STAU2: variants seen among roughly 807,000 people sequenced by gnomAD.
STAU2 encodes the protein double-stranded RNA-binding protein Staufen homolog 2.
In STAU2, 20 loss-of-function variants were observed where a neutral mutation model predicts 65.9. The ratio of observed to expected loss-of-function variants is 0.30; its 90% CI spans 0.21 to 0.44. The LOEUF is 0.44. STAU2 is among the 20% of genes least tolerant of loss of function. The pLI is 1.00. For missense variants in STAU2, 558 were observed against 683.9 expected (o/e 0.82, Z 2.05); for synonymous variants, 232 against 233.9 (o/e 0.99, Z 0.07).
intron 13 of STAU2, among the ~76,000 whole-genome samples, chr8:73,505,914 T>C (rs1428194199): frequency 6.6e-6 from 1 of 152,032 alleles, no homozygotes; most frequent in Non-Finnish European, 1.5e-5. Context: ...ACATGAGATC[T>C]GGTTGTTTAA....
At chr8:73,596,439 T>C (rs1811192320) in intron 10 of STAU2, among the ~76,000 whole-genome samples, 1 of 152,120 alleles carries the variant, frequency 6.6e-6, no homozygotes, top group Non-Finnish European at 1.5e-5. Flanking sequence ...GTAAAGTAGA[T>C]AGCAAAAAAG....
intron 13 of STAU2, among the ~76,000 whole-genome samples, chr8:73,492,859 A>C (rs1418333232): frequency 1.3e-5 from 2 of 151,930 alleles, no homozygotes; most frequent in East Asian, 3.9e-4. Flanking sequence ...GGTAGTACAA[A>C]GCTGGAAATT....
chr8:73,452,882 C>T (rs1818872572), intron 13 of STAU2, among the ~76,000 whole-genome samples: 1 of 152,134 alleles, frequency 6.6e-6, no homozygotes, highest in South Asian at 2.1e-4. Flanking sequence ...TTCAAAGCTC[C>T]AACGAGCCAG....
intron 12 of STAU2, among the ~76,000 whole-genome samples, chr8:73,564,343 T>C (rs1808447483): frequency 6.6e-6 from 1 of 152,174 alleles, no homozygotes; most frequent in Non-Finnish European, 1.5e-5. Flanking sequence ...TGCAGGGACA[T>C]GGATGGAGCT....
chr8:73,520,593 A>T (rs958086049), intron 13 of STAU2, among the ~76,000 whole-genome samples: 6 of 152,178 alleles, frequency 3.9e-5, no homozygotes, highest in African/African-American at 1.2e-4. Context: ...AGAAATGGGC[A>T]CATGACCAAC....
At chr8:73,510,404 A>C (rs1585902102) in intron 13 of STAU2, among the ~76,000 whole-genome samples, 1 of 152,342 alleles carries the variant, frequency 6.6e-6, no homozygotes, top group African/African-American at 2.4e-5. Flanking sequence ...AAAATTAATA[A>C]TATTTGGACA....
chr8:73,423,835 A>G (rs1327455835), intron 13 of STAU2, among the ~76,000 whole-genome samples: 3 of 152,170 alleles, frequency 2.0e-5, no homozygotes, highest in Non-Finnish European at 2.9e-5. Flanking sequence ...GGTTTCCCCA[A>G]TCATTAACAT....
chr8:73,604,959 A>G (rs2129732089), intron 9 of STAU2, among the ~76,000 whole-genome samples: 1 of 152,336 alleles, frequency 6.6e-6, no homozygotes, highest in African/African-American at 2.4e-5. Flanking sequence ...GCTCATATGT[A>G]CAGGAATATC....
At chr8:73,585,476 G>T (rs774623007) in intron 11 of STAU2, among the ~76,000 whole-genome samples, 1 of 152,200 alleles carries the variant, frequency 6.6e-6, no homozygotes, top group Admixed American at 6.5e-5. Flanking sequence ...GTGAAACTCC[G>T]TCTCAAAACA....
At chr8:73,546,240 T>A (rs1806928496) in intron 13 of STAU2, among the ~76,000 whole-genome samples, 1 of 150,836 alleles carries the variant, frequency 6.6e-6, no homozygotes, top group Non-Finnish European at 1.5e-5. Flanking sequence ...GTACTGGGAT[T>A]ACAGGCATGA....
chr8:73,741,519 T>C (rs1220437536), intron 1 of STAU2, among the ~76,000 whole-genome samples: 3 of 151,794 alleles, frequency 2.0e-5, no homozygotes, highest in Non-Finnish European at 4.4e-5. Context: ...CTTTTTTTTT[T>C]TCTTTTTTTT....
chr8:73,549,730 A>G (rs1807185851), intron 13 of STAU2: 1 of 985,696 alleles, frequency 1.0e-6, no homozygotes, highest in Non-Finnish European at 1.2e-6. Flanking sequence ...ACAATATTCA[A>G]TAAGCAACAG....
intron 12 of STAU2, among the ~76,000 whole-genome samples, chr8:73,555,992 C>T (rs1807731434): frequency 6.6e-6 from 1 of 152,038 alleles, no homozygotes; most frequent in African/African-American, 2.4e-5. Flanking sequence ...TAAGATAAAT[C>T]TCATCAGCCA....
intron 13 of STAU2, among the ~76,000 whole-genome samples, chr8:73,474,034 A>G (rs566558518): frequency 1.4e-4 from 22 of 152,208 alleles, no homozygotes; most frequent in African/African-American, 4.8e-4. Flanking sequence ...CCCACCTCAG[A>G]GAGTTGCTAA....
At chr8:73,638,468 G>T (rs1814714012) in intron 6 of STAU2, among the ~76,000 whole-genome samples, 1 of 146,966 alleles carries the variant, frequency 6.8e-6, no homozygotes, top group African/African-American at 2.5e-5. Context: ...ACTAAATCTA[G>T]TAAGAATATA....
At chr8:73,621,112 T>C (rs1490938278) in intron 6 of STAU2, among the ~76,000 whole-genome samples, 1 of 152,224 alleles carries the variant, frequency 6.6e-6, no homozygotes, top group Non-Finnish European at 1.5e-5. Flanking sequence ...TGATATGGTT[T>C]GGCTGTGTCC....
chr8:73,564,335 C>G (rs931572134), intron 12 of STAU2, among the ~76,000 whole-genome samples: 27 of 152,270 alleles, frequency 1.8e-4, no homozygotes, highest in African/African-American at 6.5e-4. Context: ...ATGTCCTTTG[C>G]AGGGACATGG....
chr8:73,612,917 G>A (rs59639742), intron 9 of STAU2, among the ~76,000 whole-genome samples: 4 of 152,234 alleles, frequency 2.6e-5, no homozygotes, highest in East Asian at 3.9e-4. Context: ...CATGTCATAC[G>A]TGTCAAGCAT....
chr8:73,607,722 A>G (rs1284530730), intron 9 of STAU2, among the ~76,000 whole-genome samples: 1 of 148,312 alleles, frequency 6.7e-6, no homozygotes, highest in Non-Finnish European at 1.5e-5. Flanking sequence ...GGGCAACAAG[A>G]GCGAAACTCC....
Sources: gnomAD v4.1 joint callset for allele counts (sites outside exome capture counted in the v4.1 genomes callset) on GRCh38, gnomAD v4.1.1 for gene constraint, MANE v1.5 for transcripts, NCBI Gene and HGNC (gene_info 2026-07-23, HGNC 2026-07-21) for gene names.